GON4L: variants seen among roughly 807,000 people sequenced by gnomAD.
The protein encoded by GON4L is gon-4 like, also known as GON-4-like protein.
In GON4L, 87 loss-of-function variants were observed where a neutral mutation model predicts 211.8. That is an observed-to-expected ratio of 0.41 (90% confidence interval 0.35 to 0.49). GON4L has a LOEUF of 0.49. GON4L is among the 20% of genes least tolerant of loss of function. The pLI, the probability that GON4L is intolerant of heterozygous loss-of-function variation, is 0.15. For synonymous variants in GON4L, 875 were observed against 962.6 expected (o/e 0.91, Z 1.68); for missense variants, 2,155 against 2,659.5 (o/e 0.81, Z 4.17).
chr1:155,826,741 T>C (rs1669250702), intron 3 of GON4L, 96 bp downstream of exon 3: 4 of 817,420 alleles, frequency 4.9e-6, no homozygotes, highest in Non-Finnish European at 8.2e-6. Context: ...TGTAAAAATA[T>C]AGTGAATTCA....
At chr1:155,745,983 C>G, downstream of GON4L, 5 of 784,102 alleles carry the variant, frequency 6.4e-6, no homozygotes, top group South Asian at 5.1e-5. Flanking sequence ...GCCGGCCTGC[C>G]TCGTCCTCTC....
intron 23 of GON4L, among the ~76,000 whole-genome samples, chr1:155,761,483 G>A (rs912577994): frequency 6.7e-6 from 1 of 150,122 alleles, no homozygotes; most frequent in African/African-American, 2.5e-5. Context: ...GGGCCACAGC[G>A]CCCAGCCTGG....
At chr1:155,844,278 C>A (rs1219725274) in intron 2 of GON4L, among the ~76,000 whole-genome samples, 1 of 152,194 alleles carries the variant, frequency 6.6e-6, no homozygotes, top group Non-Finnish European at 1.5e-5. Context: ...TGACAACAGA[C>A]TAGTCTTGGA....
chr1:155,827,689 C>T (rs769443016), intron 2 of GON4L, among the ~76,000 whole-genome samples: 7 of 58,290 alleles, frequency 1.2e-4, no homozygotes, highest in Non-Finnish European at 3.3e-4. Context: ...CCGTCACACA[C>T]ACACACACAC....
At chr1:155,839,667 A>AAG (rs1557921134) in intron 2 of GON4L, among the ~76,000 whole-genome samples, 1 of 151,624 alleles carries the variant, frequency 6.6e-6, no homozygotes, top group African/African-American at 2.4e-5. Context: ...AAAAAAAAAA[A>AAG]GGTAGTATTG....
At chr1:155,784,557 T>C (rs1430411404) in intron 13 of GON4L, 1 of 184,414 alleles carries the variant, frequency 5.4e-6, no homozygotes, top group African/African-American at 2.4e-5. Context: ...AATTTTTGTA[T>C]TTTTAATAGA....
At chr1:155,784,265 T>A in intron 13 of GON4L, 176 bp from the exon 14 acceptor site, 1 of 780,270 alleles carries the variant, frequency 1.3e-6, no homozygotes. Context: ...ACACTTGGGA[T>A]GGCTATTATG....
chr1:155,766,628 C>T lies in GON4L; in HGVS notation c.2845G>A (p.Glu949Lys), dbSNP rs1175183424. 1 of 1,614,092 alleles carries T rather than the reference C, an allele frequency of 6.2e-7. No homozygotes were observed. Among genetic ancestry groups the T allele is most frequent in the African/African-American group, 1.3e-5 (1 of 74,926 alleles). The change falls in exon 21 of 32, where the codon GAG (glutamate) becomes AAG (lysine). Residue 949 changes from glutamate (E) to lysine (K), a missense_variant. Transcript: ENST00000368331. The stretch of plus-strand genomic sequence containing the variant: ...TCTAGGCTTCGATCTGAGTTGATCT[C>T]AGTGGTTCCAGTCATATTTCCTACC... ...REVGNMTGTT[E>K]INSDRSLEKD...
intron 10 of GON4L, among the ~76,000 whole-genome samples, chr1:155,809,003 T>C (rs1460916947): frequency 2.0e-5 from 3 of 151,984 alleles, no homozygotes; most frequent in Non-Finnish European, 2.9e-5. Context: ...AGTCTCAAGC[T>C]CCCAGGCTTA....
intron 1 of GON4L, among the ~76,000 whole-genome samples, chr1:155,855,503 C>A (rs1203098760): frequency 1.3e-5 from 2 of 152,070 alleles, no homozygotes; most frequent in African/African-American, 4.8e-5. Flanking sequence ...ATTACGGTCC[C>A]ATCCAAGCCA....
chr1:155,842,161 T>C (rs557582238), intron 2 of GON4L, among the ~76,000 whole-genome samples: 124 of 152,188 alleles, frequency 8.1e-4, no homozygotes, highest in Non-Finnish European at 1.6e-3. Context: ...TCTAAGAATA[T>C]GAAAATAAAG....
intron 2 of GON4L, among the ~76,000 whole-genome samples, chr1:155,833,702 AG>A (rs1334454253): frequency 8.9e-6 from 1 of 111,738 alleles, no homozygotes; most frequent in Non-Finnish European, 1.8e-5. Flanking sequence ...AGGTGAGGGA[AG>A]GGGATAAGAG....
intron 19 of GON4L, among the ~76,000 whole-genome samples, chr1:155,770,023 TAAAAAAAAAAAAAA>T (rs59380170): frequency 9.2e-5 from 4 of 43,712 alleles, no homozygotes; most frequent in Admixed American, 3.9e-4. Flanking sequence ...CTCCATTTCT[TAAAAAAAAAAAAAA>T]AAAAAAAAAA....
intron 2 of GON4L, among the ~76,000 whole-genome samples, chr1:155,828,251 G>A (rs368726358): frequency 6.6e-6 from 1 of 152,048 alleles, no homozygotes; most frequent in East Asian, 1.9e-4. Flanking sequence ...CACTATGGAA[G>A]GCTGAGGCAG....
chr1:155,756,247 C>G (rs1379415123), intron 27 of GON4L, among the ~76,000 whole-genome samples: 1 of 152,088 alleles, frequency 6.6e-6, no homozygotes, highest in Non-Finnish European at 1.5e-5. Context: ...GTATTAGCTG[C>G]TATCATTATT....
intron 31 of GON4L, among the ~76,000 whole-genome samples, chr1:155,751,383 T>C (rs1390955344): frequency 6.6e-6 from 1 of 151,902 alleles, no homozygotes; most frequent in African/African-American, 2.4e-5. Flanking sequence ...CCGTGTCTAC[T>C]AAAAATAAAT....
intron 25 of GON4L, 59 bp from the exon 26 acceptor site, chr1:155,757,382 C>G: frequency 7.0e-7 from 1 of 1,426,194 alleles, no homozygotes; most frequent in Non-Finnish European, 9.8e-7. Flanking sequence ...GCTGCCCTTC[C>G]CAATCAATCC....
At chr1:155,811,927 C>T (rs1667828488) in intron 10 of GON4L, among the ~76,000 whole-genome samples, 1 of 151,532 alleles carries the variant, frequency 6.6e-6, no homozygotes, top group Non-Finnish European at 1.5e-5. Flanking sequence ...TGGTGGGCAC[C>T]TGTAATCCCA....
intron 2 of GON4L, among the ~76,000 whole-genome samples, chr1:155,843,203 T>C (rs1168113148): frequency 6.6e-6 from 1 of 152,188 alleles, no homozygotes; most frequent in Non-Finnish European, 1.5e-5. Flanking sequence ...TCTTGCTCCC[T>C]GCTCCTAATC....
Sources: allele counts gnomAD v4.1 joint callset (sites outside exome capture counted in the v4.1 genomes callset), GRCh38; gene constraint gnomAD v4.1.1; transcripts MANE v1.5; gene names NCBI Gene and HGNC (gene_info 2026-07-23, HGNC 2026-07-21).